Variants in CCSER1 observed in about 807,000 individuals in gnomAD.
CCSER1 encodes serine-rich coiled-coil domain-containing protein 1.
Under a neutral mutation model 82.0 loss-of-function variants are expected in CCSER1, and 41 were observed. That is an observed-to-expected ratio of 0.50 (90% CI 0.39 to 0.65). The LOEUF (loss-of-function observed/expected upper bound fraction) is 0.65. Among genes scored for constraint, CCSER1 ranks in the 30% least tolerant of loss-of-function variants. The pLI, the probability that CCSER1 is intolerant of heterozygous loss-of-function variation, is 0.00. For synonymous variants in CCSER1, 414 were observed against 383.9 expected, an observed-to-expected ratio of 1.08 and a Z score of -0.92; for missense variants, 1,119 against 1,064.2, an observed-to-expected ratio of 1.05 and a Z score of -0.72.
At chr4:90,817,891 T>C (rs1759224725) in intron 8 of CCSER1, among the ~76,000 whole-genome samples, 1 of 152,156 alleles carries the variant, frequency 6.6e-6, no homozygotes. Context: ...TTTGTTATGG[T>C]GGAGGTTAAA....
chr4:91,290,260 G>A (rs957376954), intron 10 of CCSER1, among the ~76,000 whole-genome samples: 2 of 151,966 alleles, frequency 1.3e-5, no homozygotes, highest in African/African-American at 4.8e-5. Context: ...TGAATGAAAT[G>A]AAAACTTTGC....
chr4:91,136,280 G>A (rs926816177), intron 10 of CCSER1, among the ~76,000 whole-genome samples: 9 of 152,002 alleles, frequency 5.9e-5, no homozygotes, highest in Admixed American at 3.3e-4. Context: ...TATCTACAAT[G>A]TCCTCTCCTT....
intron 9 of CCSER1, among the ~76,000 whole-genome samples, chr4:90,968,649 A>T (rs1174739247): frequency 6.6e-6 from 1 of 151,980 alleles, no homozygotes; most frequent in Admixed American, 6.6e-5. Context: ...GGTCTGGGAG[A>T]CCCCAAGAAT....
chr4:90,895,885 G>T (rs1417886892), intron 8 of CCSER1, among the ~76,000 whole-genome samples: 2 of 151,808 alleles, frequency 1.3e-5, no homozygotes, highest in South Asian at 2.1e-4. Context: ...GAATTTATAA[G>T]GGACCAATGA....
At chr4:90,152,538 G>A (rs953124394) in intron 1 of CCSER1, among the ~76,000 whole-genome samples, 3 of 152,130 alleles carry the variant, frequency 2.0e-5, no homozygotes, top group Non-Finnish European at 2.9e-5. Flanking sequence ...TGAGTAGGCA[G>A]CCTACAATGT....
chr4:91,466,531 AG>A (rs1321237903), intron 10 of CCSER1, among the ~76,000 whole-genome samples: 1 of 152,048 alleles, frequency 6.6e-6, no homozygotes, highest in African/African-American at 2.4e-5. Context: ...AAGAAATAAT[AG>A]GTATTCAACT....
intron 10 of CCSER1, among the ~76,000 whole-genome samples, chr4:91,551,434 C>T (rs918919192): frequency 2.0e-5 from 3 of 152,038 alleles, no homozygotes; most frequent in African/African-American, 7.2e-5. Context: ...TGCAAAACCT[C>T]ATTGAAGAGC....
At chr4:91,423,878 C>T (rs1338237522) in intron 10 of CCSER1, among the ~76,000 whole-genome samples, 3 of 151,440 alleles carry the variant, frequency 2.0e-5, no homozygotes, top group East Asian at 3.9e-4. Context: ...AGAGAAATGT[C>T]ATATATAAGA....
At chr4:90,419,951 C>A (rs1756428225) in intron 4 of CCSER1, among the ~76,000 whole-genome samples, 1 of 151,620 alleles carries the variant, frequency 6.6e-6, no homozygotes, top group Non-Finnish European at 1.5e-5. Flanking sequence ...ATGTTTTTCC[C>A]CATATTCTTT....
At chr4:90,832,181 G>A (rs571843101) in intron 8 of CCSER1, among the ~76,000 whole-genome samples, 1 of 151,752 alleles carries the variant, frequency 6.6e-6, no homozygotes, top group South Asian at 2.1e-4. Flanking sequence ...TAAATGGATT[G>A]CCTTCTTGAA....
intron 8 of CCSER1, among the ~76,000 whole-genome samples, chr4:90,872,432 G>T (rs913098503): frequency 6.6e-6 from 1 of 151,854 alleles, no homozygotes; most frequent in Non-Finnish European, 1.5e-5. Flanking sequence ...ACTTTAAACT[G>T]TTCAAAACTT....
chr4:91,158,126 C>A (rs1189009019), intron 10 of CCSER1, among the ~76,000 whole-genome samples: 1 of 151,962 alleles, frequency 6.6e-6, no homozygotes, highest in Non-Finnish European at 1.5e-5. Flanking sequence ...GATTTCATGG[C>A]ATCAGTATTG....
At chr4:90,257,232 T>C (rs1308026056) in intron 1 of CCSER1, among the ~76,000 whole-genome samples, 1 of 151,966 alleles carries the variant, frequency 6.6e-6, no homozygotes, top group South Asian at 2.1e-4. Context: ...TATATATAGG[T>C]ATATGTCTAT....
chr4:90,475,656 C>T (rs879844737), intron 5 of CCSER1, among the ~76,000 whole-genome samples: 1 of 152,130 alleles, frequency 6.6e-6, no homozygotes, highest in Non-Finnish European at 1.5e-5. Flanking sequence ...GTGAAAGCAG[C>T]ACCATCTAGG....
intron 1 of CCSER1, among the ~76,000 whole-genome samples, chr4:90,141,365 A>G (rs925573505): frequency 6.6e-6 from 1 of 152,230 alleles, no homozygotes; most frequent in African/African-American, 2.4e-5. Flanking sequence ...ACTGGGCATT[A>G]TAGCCCAGCC....
intron 10 of CCSER1, among the ~76,000 whole-genome samples, chr4:91,382,886 C>G (rs955381467): frequency 1.3e-5 from 2 of 152,070 alleles, no homozygotes; most frequent in Admixed American, 1.3e-4. Context: ...CCCACAGCCA[C>G]CCAAACTAGC....
chr4:90,541,325 A>G (rs1776074457), intron 5 of CCSER1, among the ~76,000 whole-genome samples: 1 of 152,112 alleles, frequency 6.6e-6, no homozygotes, highest in South Asian at 2.1e-4. Flanking sequence ...CATTAAGATT[A>G]TAATAATAAC....
chr4:90,742,836 G>T (rs142828793), intron 7 of CCSER1, among the ~76,000 whole-genome samples: 1 of 151,990 alleles, frequency 6.6e-6, no homozygotes. Context: ...TTTTTGTTTC[G>T]TAAAATGTGT....
At chr4:90,153,603 T>C (rs1280395289) in intron 1 of CCSER1, among the ~76,000 whole-genome samples, 1 of 152,092 alleles carries the variant, frequency 6.6e-6, no homozygotes, top group Non-Finnish European at 1.5e-5. Context: ...TGGTATCTCA[T>C]TGTGGTTTTG....
Sources: gnomAD v4.1 joint callset for allele counts (sites outside exome capture counted in the v4.1 genomes callset) on GRCh38, gnomAD v4.1.1 for gene constraint, MANE v1.5 for transcripts, NCBI Gene and HGNC (gene_info 2026-07-23, HGNC 2026-07-21) for gene names.